MAGI1: variants seen among roughly 807,000 people sequenced by gnomAD.
The protein encoded by MAGI1 is membrane-associated guanylate kinase, WW and PDZ domain-containing protein 1.
MAGI1 carries 58 observed loss-of-function variants against 139.9 expected under a neutral mutation model. The ratio of observed to expected loss-of-function variants is 0.41; its 90% CI spans 0.34 to 0.52. The LOEUF (loss-of-function observed/expected upper bound fraction) is 0.52, where lower values mean the gene tolerates loss of function less well. MAGI1 is among the 20% of genes least tolerant of loss of function. The pLI, the probability that MAGI1 is intolerant of heterozygous loss-of-function variation, is 0.12. For missense variants in MAGI1, 1,874 were observed against 1,901.6 expected, an observed-to-expected ratio of 0.99 and a Z score of 0.27; for synonymous variants, 812 against 737.9, an observed-to-expected ratio of 1.10 and a Z score of -1.63.
At chr3:65,640,240 T>C (rs954948313) in intron 1 of MAGI1, among the ~76,000 whole-genome samples, 1 of 152,124 alleles carries the variant, frequency 6.6e-6, no homozygotes, top group African/African-American at 2.4e-5. Flanking sequence ...ATCCTACTGG[T>C]TCTGTTTCTC....
At chr3:65,365,141 A>G in intron 18 of MAGI1, 195 bp from the exon 19 acceptor site, 1 of 746,674 alleles carries the variant, frequency 1.3e-6, no homozygotes, top group Non-Finnish European at 2.5e-6. Flanking sequence ...TGGGTCATGT[A>G]TGTCCCCATG....
At chr3:65,445,034 A>T (rs1948591102) in intron 7 of MAGI1, among the ~76,000 whole-genome samples, 1 of 152,208 alleles carries the variant, frequency 6.6e-6, no homozygotes, top group African/African-American at 2.4e-5. Context: ...GTCCAGAATG[A>T]CATTATAATT....
chr3:66,005,115 T>G (rs11919056), intron 1 of MAGI1, among the ~76,000 whole-genome samples: 23,600 of 152,166 alleles, frequency 0.16, 2,309 homozygotes, highest in African/African-American at 0.26. Flanking sequence ...AATGGCTTTT[T>G]TATTTTTAAT....
At chr3:65,611,282 A>G (rs2083087132) in intron 2 of MAGI1, among the ~76,000 whole-genome samples, 1 of 141,884 alleles carries the variant, frequency 7.0e-6, no homozygotes, top group Non-Finnish European at 1.5e-5. Context: ...TATAAATAGT[A>G]TAGTATACTA....
At chr3:65,579,703 C>G (rs538764086) in intron 2 of MAGI1, among the ~76,000 whole-genome samples, 1 of 151,934 alleles carries the variant, frequency 6.6e-6, no homozygotes, top group African/African-American at 2.4e-5. Flanking sequence ...AAAAAGTAGC[C>G]GGGAGTGGTG....
chr3:65,511,299 T>A, intron 2 of MAGI1, among the ~76,000 whole-genome samples: 1 of 149,228 alleles, frequency 6.7e-6, no homozygotes, highest in East Asian at 2.0e-4. Flanking sequence ...AATTCACACA[T>A]AACAATATTA....
chr3:65,541,805 A>G (rs2079238960), intron 2 of MAGI1, among the ~76,000 whole-genome samples: 1 of 152,114 alleles, frequency 6.6e-6, no homozygotes, highest in African/African-American at 2.4e-5. Context: ...CAAACCCACA[A>G]CAAATATCAT....
chr3:65,594,839 A>G (rs1355786984), intron 2 of MAGI1, among the ~76,000 whole-genome samples: 1 of 152,134 alleles, frequency 6.6e-6, no homozygotes, highest in East Asian at 1.9e-4. Flanking sequence ...TCAACTCTAT[A>G]TTTACTTTCA....
intron 1 of MAGI1, among the ~76,000 whole-genome samples, chr3:65,685,759 G>C (rs550391961): frequency 2.0e-4 from 31 of 152,196 alleles, no homozygotes; most frequent in African/African-American, 7.0e-4. Context: ...ATGTTGCTCT[G>C]AATAACTGCT....
chr3:65,592,733 G>A (rs552825883), intron 2 of MAGI1, among the ~76,000 whole-genome samples: 66 of 152,172 alleles, frequency 4.3e-4, no homozygotes, highest in Non-Finnish European at 8.1e-4. Context: ...GAGGGCTAGT[G>A]TGTAATTTTA....
chr3:65,370,282 G>A (rs1046575023), intron 18 of MAGI1, among the ~76,000 whole-genome samples: 9 of 151,954 alleles, frequency 5.9e-5, no homozygotes, highest in African/African-American at 1.9e-4. Context: ...AAAAAAAATT[G>A]AGCATCACAT....
chr3:65,500,459 T>C (rs1449080399), intron 2 of MAGI1, among the ~76,000 whole-genome samples: 1 of 152,202 alleles, frequency 6.6e-6, no homozygotes, highest in Non-Finnish European at 1.5e-5. Context: ...ACTTGCAGTG[T>C]ATCTGGCTTC....
intron 1 of MAGI1, among the ~76,000 whole-genome samples, chr3:65,768,617 A>G (rs2037689855): frequency 1.3e-5 from 2 of 152,202 alleles, no homozygotes; most frequent in South Asian, 4.1e-4. Context: ...TGCAAGGCTC[A>G]CATAATAACA....
At chr3:65,447,993 TGCA>T (rs748245806) in intron 7 of MAGI1, 26 bp downstream of exon 7, 5 of 1,613,208 alleles carry the variant, frequency 3.1e-6, no homozygotes, top group African/African-American at 1.3e-5. Flanking sequence ...GCACGTGTCA[TGCA>T]GCAGCAGCAG....
intron 5 of MAGI1, among the ~76,000 whole-genome samples, chr3:65,462,470 T>C (rs1443536658): frequency 6.6e-6 from 1 of 152,178 alleles, no homozygotes; most frequent in African/African-American, 2.4e-5. Flanking sequence ...TCTGTTCCAT[T>C]GGTCTATATA....
intron 2 of MAGI1, among the ~76,000 whole-genome samples, chr3:65,542,323 T>C (rs1275967179): frequency 6.6e-6 from 1 of 152,098 alleles, no homozygotes; most frequent in Non-Finnish European, 1.5e-5. Context: ...AGAGTCAATA[T>C]CGTGAAAATG....
chr3:65,854,643 A>G (rs2059313318), intron 1 of MAGI1, among the ~76,000 whole-genome samples: 2 of 152,256 alleles, frequency 1.3e-5, no homozygotes, highest in East Asian at 3.8e-4. Context: ...TTTGTTTGGA[A>G]GAATTTGAAT....
intron 10 of MAGI1, among the ~76,000 whole-genome samples, chr3:65,436,472 G>A (rs1273944919): frequency 6.6e-6 from 1 of 152,142 alleles, no homozygotes; most frequent in African/African-American, 2.4e-5. Flanking sequence ...CTCATCCTAT[G>A]TGTGAATGTA....
intron 2 of MAGI1, among the ~76,000 whole-genome samples, chr3:65,528,789 G>A (rs771825387): frequency 1.3e-4 from 20 of 152,138 alleles, no homozygotes; most frequent in Admixed American, 1.3e-3. Flanking sequence ...CTCACACCTG[G>A]AATCCTAACA....
Sources: gnomAD v4.1 joint callset for allele counts (sites outside exome capture counted in the v4.1 genomes callset) on GRCh38, gnomAD v4.1.1 for gene constraint, MANE v1.5 for transcripts, NCBI Gene and HGNC (gene_info 2026-07-23, HGNC 2026-07-21) for gene names.